ZRANB1: variants seen among roughly 807,000 people sequenced by gnomAD.
The protein encoded by ZRANB1 is zinc finger RANBP2-type containing 1.
Under a neutral mutation model 80.5 loss-of-function variants are expected in ZRANB1, and 16 were observed. The ratio of observed to expected loss-of-function variants is 0.20; its 90% CI spans 0.13 to 0.30. The LOEUF (loss-of-function observed/expected upper bound fraction) is 0.30. Ranked by LOEUF, ZRANB1 falls within the 10% of genes least tolerant of loss-of-function variation. The pLI is 1.00. For synonymous variants in ZRANB1, 291 were observed against 293.1 expected (o/e 0.99, Z 0.07); for missense variants, 576 against 862.6 (o/e 0.67, Z 4.16).
Position 124,987,676 on chromosome 10 carries a change from G to A in ZRANB1, c.*2684G>A, listed in dbSNP as rs145920441. ...TGTGTTAATAGACACTTTTATGGTAGAGTTGGGATGGGGCCACCACCTTAA... is the reference window on the plus strand; with the variant it reads ...TGTGTTAATAGACACTTTTATGGTAAAGTTGGGATGGGGCCACCACCTTAA... On this transcript the variant is annotated 3_prime_UTR_variant, in exon 9 of 9. Transcript: ENST00000359653. 2 of 152,296 alleles carry A rather than the reference G, an allele frequency of 1.3e-5. No homozygotes were observed. The highest frequency in any genetic ancestry group is 1.3e-4 in the Admixed American group (2 of 15,292). 9.4% of individuals were successfully genotyped at this position (152,296 alleles called of 1,614,324 possible).
intron 1 of ZRANB1, among the ~76,000 whole-genome samples, chr10:124,952,278 C>T (rs921791064): frequency 3.3e-5 from 5 of 152,158 alleles, no homozygotes; most frequent in African/African-American, 1.2e-4. Flanking sequence ...GTGGTGTAAT[C>T]ACAAGCGTCC....
At chr10:124,976,696 G>T (rs1296226616) in intron 5 of ZRANB1, among the ~76,000 whole-genome samples, 1 of 148,146 alleles carries the variant, frequency 6.8e-6, no homozygotes, top group Non-Finnish European at 1.5e-5. Flanking sequence ...CTCAGCCTTC[G>T]AAGTAGCTGG....
At chr10:124,951,841 C>T (rs1951641366) in intron 1 of ZRANB1, among the ~76,000 whole-genome samples, 2 of 152,064 alleles carry the variant, frequency 1.3e-5, no homozygotes, top group Admixed American at 1.3e-4. Flanking sequence ...TCTGTAATCC[C>T]AGCTACTTGG....
chr10:124,949,936 G>A (rs1317156587), intron 1 of ZRANB1, among the ~76,000 whole-genome samples: 1 of 152,160 alleles, frequency 6.6e-6, no homozygotes, highest in Non-Finnish European at 1.5e-5. Flanking sequence ...ATGCAGTGGT[G>A]TTCCCTGTTG....
intron 1 of ZRANB1, among the ~76,000 whole-genome samples, chr10:124,944,848 A>G (rs1319378062): frequency 6.6e-6 from 1 of 151,356 alleles, no homozygotes; most frequent in Non-Finnish European, 1.5e-5. Context: ...ATATCCCAGC[A>G]GATGAATCCT....
At chr10:124,966,950 A>G (rs1447218362) in intron 2 of ZRANB1, among the ~76,000 whole-genome samples, 169 bp downstream of exon 2, 1 of 152,240 alleles carries the variant, frequency 6.6e-6, no homozygotes, top group African/African-American at 2.4e-5. Flanking sequence ...TTAAGGGTAT[A>G]TGCTTTCAAA....
At chr10:124,928,387 T>G in the ZRANB1 span, among the ~76,000 whole-genome samples, 1 of 152,142 alleles carries the variant, frequency 6.6e-6, no homozygotes, top group African/African-American at 2.4e-5. Context: ...GTGTGGATCA[T>G]CTTTACAGAT....
chr10:124,973,769 T>G (rs1056025148), intron 4 of ZRANB1, 53 bp downstream of exon 4: 2 of 1,533,012 alleles, frequency 1.3e-6, no homozygotes, highest in Non-Finnish European at 1.8e-6. Context: ...CAAGTAAGTT[T>G]TGTTTAGTAA....
chr10:124,940,019 A>G (rs2134237885), upstream of ZRANB1, among the ~76,000 whole-genome samples: 1 of 152,312 alleles, frequency 6.6e-6, no homozygotes, highest in African/African-American at 2.4e-5. Context: ...AATATAAGCA[A>G]TTATTTTGCT....
intron 4 of ZRANB1, 118 bp from the exon 5 acceptor site, chr10:124,974,082 G>GTA (rs1951852596): frequency 2.2e-6 from 2 of 929,884 alleles, no homozygotes; most frequent in Non-Finnish European, 3.2e-6. Flanking sequence ...TTATTTAGGT[G>GTA]TTTATTGGTA....
chr10:124,966,805 T>C, intron 2 of ZRANB1, 24 bp downstream of exon 2: 1 of 1,594,082 alleles, frequency 6.3e-7, no homozygotes, highest in Admixed American at 1.7e-5. Flanking sequence ...TTTGGTTAAA[T>C]GTTCTTTTAT....
chr10:124,957,296 G>A (rs1347959566), intron 1 of ZRANB1, among the ~76,000 whole-genome samples: 1 of 151,996 alleles, frequency 6.6e-6, no homozygotes, highest in African/African-American at 2.4e-5. Context: ...TTTTTTAGAG[G>A]AGGGAGGAAT....
In ZRANB1 at chr10:124,986,883, A is replaced by G. The variant is rs994625810; in HGVS notation, c.*1891A>G. ...AGCCATTGCAGTCTGCATTGCAGCC[A>G]GCGTTGTCCAGAGTACACGCTCAGC... On this transcript the variant is annotated 3_prime_UTR_variant, in exon 9 of 9. Coordinates refer to ENST00000359653, the MANE Select transcript of ZRANB1 (RefSeq NM_017580.3). 1 of 18,638 alleles carries G rather than the reference A, an allele frequency of 5.4e-5. No homozygotes were observed. Among genetic ancestry groups the G allele is most frequent in the African/African-American group, 1.5e-4 (1 of 6,858 alleles). 1.2% of individuals were successfully genotyped at this position (18,638 alleles called of 1,614,324 possible). A position where few individuals can be genotyped will look rare whatever the true frequency, so the allele number is the denominator to read the frequency against.
At chr10:124,922,330 ATATATAT>A in the ZRANB1 span, among the ~76,000 whole-genome samples, 1 of 32,110 alleles carries the variant, frequency 3.1e-5, no homozygotes, top group African/African-American at 5.5e-5. Context: ...ATATATGTAT[ATATATAT>A]TTTTTTTTTA....
At chr10:124,977,219 T>C (rs2133991004) in intron 5 of ZRANB1, among the ~76,000 whole-genome samples, 1 of 151,868 alleles carries the variant, frequency 6.6e-6, no homozygotes, top group Non-Finnish European at 1.5e-5. Context: ...GTGTTTCTTC[T>C]GCCTTAGCCT....
chr10:124,984,774 C>G lies in ZRANB1; in HGVS notation c.1909C>G (p.Leu637Val), dbSNP rs1404546529. 28 of 1,612,438 alleles carry G rather than the reference C, an allele frequency of 1.7e-5. No homozygotes were observed. Among genetic ancestry groups the G allele is most frequent in the Non-Finnish European group, 2.4e-5 (28 of 1,179,000 alleles). ...LHVHFLSAQE[L>V]GNEEQQEKLL... ...CTTTGTCTTCATATTCCTCCAAAAG[C>G]TAGGTAATGAGGAACAGCAAGAAAA... Residue 637 changes from leucine (L) to valine (V), a missense_variant and splice_region_variant, in exon 9 of 9, where the codon CTA becomes GTA. Transcript: ENST00000359653.
the ZRANB1 span, among the ~76,000 whole-genome samples, chr10:124,931,910 G>A: frequency 3.3e-5 from 5 of 152,274 alleles, no homozygotes; most frequent in African/African-American, 1.2e-4. Context: ...ATAATGAAAA[G>A]TATCTATCAT....
chr10:124,933,386 C>T, the ZRANB1 span, among the ~76,000 whole-genome samples: 1 of 152,180 alleles, frequency 6.6e-6, no homozygotes, highest in Non-Finnish European at 1.5e-5. Context: ...ATCCACCTGC[C>T]TCAGCCTCCC....
the ZRANB1 span, among the ~76,000 whole-genome samples, chr10:124,918,540 C>G: frequency 2.6e-5 from 4 of 152,174 alleles, no homozygotes; most frequent in East Asian, 7.7e-4. Context: ...TATTTCTTTA[C>G]CTGTGTGTTT....
Sources: allele counts gnomAD v4.1 joint callset (sites outside exome capture counted in the v4.1 genomes callset), GRCh38; gene constraint gnomAD v4.1.1; transcripts MANE v1.5; gene names NCBI Gene and HGNC (gene_info 2026-07-23, HGNC 2026-07-21).